ATOSA: variants seen among roughly 807,000 people sequenced by gnomAD.
ATOSA encodes atos homolog protein A.
At chr15:52,637,338 T>C in the ATOSA span, among the ~76,000 whole-genome samples, 1 of 151,876 alleles carries the variant, frequency 6.6e-6, no homozygotes, top group South Asian at 2.1e-4. Flanking sequence ...GAATGAGGAA[T>C]AAAAGGAAAA....
At chr15:52,590,077 C>A in the ATOSA span, among the ~76,000 whole-genome samples, 1 of 152,134 alleles carries the variant, frequency 6.6e-6, no homozygotes, top group Non-Finnish European at 1.5e-5. Context: ...TGTGAGCCAC[C>A]ATGCCCGGCC....
the ATOSA span, among the ~76,000 whole-genome samples, chr15:52,696,498 C>T: frequency 4.6e-5 from 7 of 152,226 alleles, no homozygotes; most frequent in East Asian, 1.9e-4. Context: ...TTGGGATATA[C>T]GCATAGAATT....
the ATOSA span, among the ~76,000 whole-genome samples, chr15:52,673,528 G>A: frequency 6.6e-6 from 1 of 152,182 alleles, no homozygotes; most frequent in African/African-American, 2.4e-5. Context: ...GAGTATCTGT[G>A]AGGATTAAAT....
chr15:52,691,057 CA>C, the ATOSA span, among the ~76,000 whole-genome samples: 259 of 151,948 alleles, frequency 1.7e-3, 2 homozygotes, highest in Non-Finnish European at 2.9e-3. Context: ...TAAGATGGCC[CA>C]GGGGGAGTGG....
chr15:52,594,619 T>G, the ATOSA span, among the ~76,000 whole-genome samples: 7 of 152,192 alleles, frequency 4.6e-5, no homozygotes, highest in Admixed American at 2.6e-4. Context: ...CCAAAAGACC[T>G]GGGTCACAAT....
the ATOSA span, chr15:52,593,758 A>C: frequency 6.6e-7 from 1 of 1,518,950 alleles, no homozygotes; most frequent in Non-Finnish European, 8.8e-7. Context: ...AATAATTTTA[A>C]AAACTCAATT....
the ATOSA span, among the ~76,000 whole-genome samples, chr15:52,594,929 T>C: frequency 6.6e-6 from 1 of 152,208 alleles, no homozygotes; most frequent in Non-Finnish European, 1.5e-5. Flanking sequence ...TCAACATTCA[T>C]AGCACAGCAC....
At chr15:52,630,439 A>G in the ATOSA span, among the ~76,000 whole-genome samples, 1 of 152,246 alleles carries the variant, frequency 6.6e-6, no homozygotes, top group Non-Finnish European at 1.5e-5. Flanking sequence ...TGAAAGGTTA[A>G]TGAATATAAG....
chr15:52,602,647 A>ATG, the ATOSA span, among the ~76,000 whole-genome samples: 1 of 152,040 alleles, frequency 6.6e-6, no homozygotes, highest in South Asian at 2.1e-4. Context: ...AACCCCTACC[A>ATG]TGTGTGGCTT....
chr15:52,614,367 A>G, the ATOSA span, among the ~76,000 whole-genome samples: 1 of 151,492 alleles, frequency 6.6e-6, no homozygotes, highest in African/African-American at 2.4e-5. Flanking sequence ...CGGCCTCCCA[A>G]TGTGCTGGGA....
chr15:52,693,233 A>G, the ATOSA span, among the ~76,000 whole-genome samples: 1 of 152,126 alleles, frequency 6.6e-6, no homozygotes, highest in East Asian at 1.9e-4. Context: ...CAGCCTGGCC[A>G]ACATGGAGAA....
the ATOSA span, chr15:52,610,112 A>G: frequency 6.2e-7 from 1 of 1,614,038 alleles, no homozygotes; most frequent in South Asian, 1.1e-5. Flanking sequence ...TGTTTGCTAC[A>G]CAGACGCTGT....
At chr15:52,678,017 T>G in the ATOSA span, 3 of 1,614,006 alleles carry the variant, frequency 1.9e-6, no homozygotes, top group Non-Finnish European at 2.5e-6. Flanking sequence ...TCGGTCTGGC[T>G]TCATTTTCAC....
chr15:52,682,258 G>A, the ATOSA span, among the ~76,000 whole-genome samples: 1 of 151,698 alleles, frequency 6.6e-6, no homozygotes, highest in African/African-American at 2.4e-5. Context: ...AACCCATTGT[G>A]GGTTGAAATG....
chr15:52,647,951 A>G, the ATOSA span, among the ~76,000 whole-genome samples: 2 of 152,034 alleles, frequency 1.3e-5, no homozygotes, highest in Non-Finnish European at 2.9e-5. Context: ...TTCTGCCCCA[A>G]TCCCCATATC....
chr15:52,590,149 C>T, the ATOSA span, among the ~76,000 whole-genome samples: 5 of 152,018 alleles, frequency 3.3e-5, no homozygotes, highest in African/African-American at 7.2e-5. Context: ...AAATCTTATA[C>T]AAAAATTGCT....
chr15:52,605,290 C>G, the ATOSA span: 53 of 1,332,916 alleles, frequency 4.0e-5, no homozygotes, highest in East Asian at 1.3e-3. Context: ...ATTTAAATAC[C>G]ATTTAAAGAA....
the ATOSA span, among the ~76,000 whole-genome samples, chr15:52,675,157 A>G: frequency 1.3e-5 from 2 of 151,968 alleles, no homozygotes; most frequent in African/African-American, 4.8e-5. Context: ...CTTAAAATTA[A>G]TTTTTTTTAC....
At chr15:52,661,317 G>T in the ATOSA span, among the ~76,000 whole-genome samples, 1 of 152,250 alleles carries the variant, frequency 6.6e-6, no homozygotes, top group African/African-American at 2.4e-5. Context: ...CCTGATAAAA[G>T]CCAGATGATC....
Sources: gnomAD v4.1 joint callset for allele counts (sites outside exome capture counted in the v4.1 genomes callset) on GRCh38, gnomAD v4.1.1 for gene constraint, MANE v1.5 for transcripts, NCBI Gene and HGNC (gene_info 2026-07-23, HGNC 2026-07-21) for gene names.